Variants in AKAP19 observed in about 807,000 individuals in gnomAD.
AKAP19 encodes the protein A-kinase anchoring protein 19.
At chr2:190,111,586 G>A in the AKAP19 span, among the ~76,000 whole-genome samples, 1 of 151,984 alleles carries the variant, frequency 6.6e-6, no homozygotes, top group Non-Finnish European at 1.5e-5. Flanking sequence ...AGTCTTCCAG[G>A]ACCAGCCTAG....
the AKAP19 span, among the ~76,000 whole-genome samples, chr2:190,167,876 GC>G: frequency 6.6e-6 from 1 of 152,202 alleles, no homozygotes; most frequent in Non-Finnish European, 1.5e-5. Flanking sequence ...AGTGTATGTG[GC>G]TTTTCCAGGT....
At chr2:189,923,209 G>A in the AKAP19 span, 7 of 860,792 alleles carry the variant, frequency 8.1e-6, no homozygotes, top group Admixed American at 2.5e-5. Flanking sequence ...GGTTGCGGCC[G>A]CGTTGCCGAC....
chr2:189,951,426 C>A, the AKAP19 span, among the ~76,000 whole-genome samples: 2 of 152,220 alleles, frequency 1.3e-5, no homozygotes, highest in African/African-American at 4.8e-5. Flanking sequence ...TGGTCTCGAA[C>A]TCCTGACACC....
the AKAP19 span, among the ~76,000 whole-genome samples, chr2:190,118,033 A>G: frequency 2.7e-4 from 41 of 152,344 alleles, no homozygotes; most frequent in Non-Finnish European, 5.3e-4. Context: ...GATAAAGGGG[A>G]TATCACCACC....
At chr2:189,937,671 C>A in the AKAP19 span, among the ~76,000 whole-genome samples, 3 of 152,116 alleles carry the variant, frequency 2.0e-5, no homozygotes, top group Admixed American at 6.5e-5. Flanking sequence ...TGCTCAACAT[C>A]CTTGACCATC....
chr2:190,041,179 G>A, the AKAP19 span, among the ~76,000 whole-genome samples: 1 of 151,968 alleles, frequency 6.6e-6, no homozygotes, highest in African/African-American at 2.4e-5. Context: ...AAATTTGTTT[G>A]TGTCTTCTCT....
the AKAP19 span, among the ~76,000 whole-genome samples, chr2:189,924,940 T>A: frequency 4.4e-4 from 67 of 152,268 alleles, no homozygotes; most frequent in African/African-American, 1.6e-3. Context: ...TGAGTTATAC[T>A]GCTGTTAACC....
At chr2:189,935,498 G>T in the AKAP19 span, among the ~76,000 whole-genome samples, 5 of 151,880 alleles carry the variant, frequency 3.3e-5, no homozygotes, top group African/African-American at 1.2e-4. Context: ...TATGAAACTC[G>T]TTTTCTAAAA....
chr2:190,195,618 G>T, the AKAP19 span, among the ~76,000 whole-genome samples: 2 of 152,176 alleles, frequency 1.3e-5, no homozygotes, highest in African/African-American at 4.8e-5. Flanking sequence ...GTTCATATTT[G>T]TATTGTTGAC....
the AKAP19 span, among the ~76,000 whole-genome samples, chr2:189,899,631 G>A: frequency 6.6e-6 from 1 of 152,118 alleles, no homozygotes; most frequent in Non-Finnish European, 1.5e-5. Flanking sequence ...GTATGAATGT[G>A]CATACATAAA....
the AKAP19 span, among the ~76,000 whole-genome samples, chr2:190,131,106 C>A: frequency 6.6e-6 from 1 of 152,166 alleles, no homozygotes; most frequent in African/African-American, 2.4e-5. Context: ...CTAGAAGAAT[C>A]TTTTGTTCTA....
the AKAP19 span, among the ~76,000 whole-genome samples, chr2:190,052,646 T>G: frequency 6.6e-6 from 1 of 152,208 alleles, no homozygotes; most frequent in African/African-American, 2.4e-5. Context: ...AATTTTGTTC[T>G]GAATAGTGTC....
the AKAP19 span, among the ~76,000 whole-genome samples, chr2:190,103,171 C>T: frequency 1.3e-5 from 2 of 152,064 alleles, no homozygotes; most frequent in African/African-American, 2.4e-5. Context: ...CAGCAAACTA[C>T]CCATGAAAGG....
the AKAP19 span, among the ~76,000 whole-genome samples, chr2:190,102,638 G>T: frequency 6.6e-6 from 1 of 152,018 alleles, no homozygotes; most frequent in East Asian, 1.9e-4. Flanking sequence ...GAATTAGAAA[G>T]AAATTGAAAC....
the AKAP19 span, among the ~76,000 whole-genome samples, chr2:189,900,678 T>G: frequency 6.6e-6 from 1 of 152,180 alleles, no homozygotes; most frequent in Admixed American, 6.6e-5. Flanking sequence ...GAGTAAAACT[T>G]TGTCCCATAT....
the AKAP19 span, among the ~76,000 whole-genome samples, chr2:190,131,151 G>T: frequency 6.6e-6 from 1 of 152,120 alleles, no homozygotes; most frequent in African/African-American, 2.4e-5. Flanking sequence ...CTGACACAGC[G>T]ATCCTAAATA....
chr2:189,975,133 C>T, the AKAP19 span, among the ~76,000 whole-genome samples: 6 of 152,034 alleles, frequency 3.9e-5, no homozygotes, highest in Admixed American at 6.5e-5. Context: ...TGTTCCTTTC[C>T]GTGTTTAGTT....
the AKAP19 span, among the ~76,000 whole-genome samples, chr2:190,122,842 C>G: frequency 6.6e-6 from 1 of 150,706 alleles, no homozygotes; most frequent in Non-Finnish European, 1.5e-5. Flanking sequence ...CAAGGACTTG[C>G]TCTGTCACCC....
chr2:190,061,170 T>A, the AKAP19 span, among the ~76,000 whole-genome samples: 1 of 152,036 alleles, frequency 6.6e-6, no homozygotes. Context: ...GAGTCTTAAA[T>A]GGAAATTCTT....
Sources: gnomAD v4.1 joint callset for allele counts (sites outside exome capture counted in the v4.1 genomes callset) on GRCh38, gnomAD v4.1.1 for gene constraint, MANE v1.5 for transcripts, NCBI Gene and HGNC (gene_info 2026-07-23, HGNC 2026-07-21) for gene names.